The following SMAD4 variants were observed in gnomAD, a reference collection of about 807,000 sequenced individuals.
SMAD4 encodes SMAD family member 4.
A neutral mutation model predicts 63.2 loss-of-function variants in SMAD4; 7 were observed. That is an observed-to-expected ratio of 0.11 (90% confidence interval 0.06 to 0.21). The LOEUF is 0.21. Ranked by LOEUF, SMAD4 falls within the 10% of genes least tolerant of loss-of-function variation. The pLI is 1.00. For missense variants in SMAD4, 312 were observed against 693.8 expected, an observed-to-expected ratio of 0.45 and a Z score of 6.18; for synonymous variants, 215 against 235.4, an observed-to-expected ratio of 0.91 and a Z score of 0.79.
rs759701996 is a variant in SMAD4, at chr18:51,058,467, G to GT, written c.904+16dup. On this transcript the variant is annotated intron_variant, in intron 7 of 11. Transcript: ENST00000342988. ...ATCCCGGACATTACTGTAAGCTCTT[G>GT]TTTTTGTTGTAAGGGCTATTTTTTT... The GT allele has an allele frequency of 2.0e-6, 3 of 1,487,256 alleles. No individual in the cohort carries two copies. The highest frequency in any genetic ancestry group is 2.4e-5 in the East Asian group (1 of 41,338). The allele number at this position is 1,487,256 out of a possible 1,614,324, so 92.1% of individuals were successfully genotyped here.
At chr18:51,076,921 T>C (rs1910487709) in intron 11 of SMAD4, 145 bp downstream of exon 11, 1 of 621,294 alleles carries the variant, frequency 1.6e-6, no homozygotes, top group Non-Finnish European at 2.8e-6. Flanking sequence ...TGGTAAAATC[T>C]GTTCTTCTGT....
chr18:51,034,563 T>G (rs958448730), intron 1 of SMAD4, among the ~76,000 whole-genome samples: 3 of 151,834 alleles, frequency 2.0e-5, no homozygotes, highest in Admixed American at 1.3e-4. Context: ...TTTTTCCTTT[T>G]TCTTTCCATC....
chr18:51,063,946 ATTTT>A (rs1288402190), intron 8 of SMAD4, among the ~76,000 whole-genome samples: 1 of 152,124 alleles, frequency 6.6e-6, no homozygotes, highest in African/African-American at 2.4e-5. Context: ...ATTGGAAAGT[ATTTT>A]ATTGCTTGGC....
At chr18:51,056,257 T>G (rs1412590468) in intron 5 of SMAD4, among the ~76,000 whole-genome samples, 2 of 152,182 alleles carry the variant, frequency 1.3e-5, no homozygotes, top group African/African-American at 4.8e-5. Flanking sequence ...CTACTTCTGT[T>G]TATATTATCT....
chr18:51,060,267 A>C (rs1156515926), intron 8 of SMAD4, among the ~76,000 whole-genome samples: 1 of 152,258 alleles, frequency 6.6e-6, no homozygotes, highest in African/African-American at 2.4e-5. Context: ...AAGAATCTTA[A>C]GTACATGCCG....
At chr18:51,065,150 C>CCT (rs1466731235) in intron 8 of SMAD4, among the ~76,000 whole-genome samples, 1 of 151,420 alleles carries the variant, frequency 6.6e-6, no homozygotes, top group African/African-American at 2.4e-5. Context: ...TAAAAAATGA[C>CCT]TTTTAGAACT....
At chr18:51,059,822 A>G (rs1909957387) in intron 7 of SMAD4, 44 bp from the exon 8 acceptor site, 2 of 1,482,282 alleles carry the variant, frequency 1.3e-6, no homozygotes, top group African/African-American at 1.4e-5. Flanking sequence ...GCATTAGACA[A>G]CTTTTAGTAA....
intron 7 of SMAD4, among the ~76,000 whole-genome samples, chr18:51,058,875 T>G (rs1021520081): frequency 2.6e-5 from 4 of 152,216 alleles, no homozygotes; most frequent in African/African-American, 9.6e-5. Flanking sequence ...AACTCTGTGC[T>G]GGCATGATTG....
intron 10 of SMAD4, among the ~76,000 whole-genome samples, chr18:51,072,763 C>T (rs1049501108): frequency 6.6e-6 from 1 of 152,064 alleles, no homozygotes; most frequent in African/African-American, 2.4e-5. Context: ...GAAATTAGCT[C>T]AGGAGTGGTG....
chr18:51,041,869 T>C (rs543347660), intron 1 of SMAD4, among the ~76,000 whole-genome samples: 1 of 152,244 alleles, frequency 6.6e-6, no homozygotes, highest in African/African-American at 2.4e-5. Flanking sequence ...TGGTTGTCAC[T>C]GCAGCATAGA....
At position 51,082,961 on chromosome 18, in the gene SMAD4, G is replaced by A. The variant is rs868415137; in HGVS notation, c.*4494G>A. The A allele has an allele frequency of 8.8e-6, 2 of 226,746 alleles. No individual in the cohort carries two copies. The highest frequency in any genetic ancestry group is 1.8e-5 in the Non-Finnish European group (2 of 114,046). The allele number at this position is 226,746 out of a possible 1,614,324, so 14.0% of individuals were successfully genotyped here. On this transcript the variant is annotated 3_prime_UTR_variant, in exon 12 of 12. Coordinates refer to ENST00000342988, the MANE Select transcript of SMAD4 (RefSeq NM_005359.6). The stretch of plus-strand genomic sequence containing the variant: ...CCAAGACACTTTCCTGTGAAGTGCT[G>A]AAAAAGACCTCATTGTATTGGCATT...
At chr18:51,050,339 A>G (rs1212265838) in intron 4 of SMAD4, among the ~76,000 whole-genome samples, 2 of 150,394 alleles carry the variant, frequency 1.3e-5, no homozygotes, top group African/African-American at 4.9e-5. Flanking sequence ...AGCCTGGGCA[A>G]CGAGCGAAAC....
At chr18:51,056,245 A>T (rs1406490518) in intron 5 of SMAD4, among the ~76,000 whole-genome samples, 1 of 152,156 alleles carries the variant, frequency 6.6e-6, no homozygotes, top group Non-Finnish European at 1.5e-5. Flanking sequence ...GAGCACAGCT[A>T]CCTACTTCTG....
At chr18:51,043,918 C>T (rs1909461464) in intron 1 of SMAD4, among the ~76,000 whole-genome samples, 1 of 152,136 alleles carries the variant, frequency 6.6e-6, no homozygotes, top group South Asian at 2.1e-4. Flanking sequence ...ATGGTCAGTC[C>T]AGAAACACTT....
At chr18:51,074,242 A>G (rs540186087) in intron 10 of SMAD4, among the ~76,000 whole-genome samples, 9 of 151,458 alleles carry the variant, frequency 5.9e-5, no homozygotes, top group African/African-American at 1.7e-4. Flanking sequence ...TTAGCCAGGC[A>G]TGGTGGCATG....
Position 51,079,518 on chromosome 18 carries a change from CTTT to C in SMAD4, c.*1056_*1058del. ...TATTTTTGTACTTGATTTGATGTGA[CTTT>C]TTTTGGTATAATGTTTAAATCATGT... On this transcript the variant is annotated 3_prime_UTR_variant, in exon 12 of 12. Transcript: ENST00000342988. 4.3e-6 allele frequency: 1 copy of C among 233,216 alleles called. No individual in the cohort carries two copies. The highest frequency in any genetic ancestry group is 8.5e-6 in the Non-Finnish European group (1 of 117,874). 14.4% of individuals were successfully genotyped at this position (233,216 alleles called of 1,614,324 possible).
rs1555685648 is a variant in SMAD4, at chr18:51,054,882, C to G, written c.556C>G (p.Pro186Ala). 4.3e-6 allele frequency: 7 copies of G among 1,614,042 alleles called. No individual in the cohort carries two copies. Among genetic ancestry groups the G allele is most frequent in the East Asian group, 2.2e-5 (1 of 44,882 alleles). Reference protein sequence around the residue: ...GHSIQTIQHPPSNRASTETYS... With the variant: ...GHSIQTIQHPASNRASTETYS... Reference sequence around the variant, plus strand: ...TTCAATTCAAACCATCCAGCATCCACCAAGTAATCGTGCATCGACAGAGAC... The same window carrying G: ...TTCAATTCAAACCATCCAGCATCCAGCAAGTAATCGTGCATCGACAGAGAC... The change falls in exon 5 of 12, where the codon CCA becomes GCA. Residue 186 changes from proline (P) to alanine (A), a missense_variant. By Grantham distance (27) the Pro-to-Ala change is conservative. Around this residue, in one of 4 missense-constraint regions of SMAD4, gnomAD observed 169 missense variants for 211.0 expected, o/e 0.80. Transcript: ENST00000342988.
intron 4 of SMAD4, chr18:51,053,971 A>G (rs1909774599): frequency 1.3e-5 from 2 of 152,344 alleles, no homozygotes; most frequent in South Asian, 4.1e-4. Context: ...GAGAATTAAC[A>G]TTGTTAATGC....
At position 51,054,891 on chromosome 18, in the gene SMAD4, C is replaced by A. The variant is rs140743238; in HGVS notation, c.565C>A (p.Arg189Ser). The A allele has an allele frequency of 4.3e-6, 7 of 1,614,040 alleles. No individual in the cohort carries two copies. Among genetic ancestry groups the A allele is most frequent in the Non-Finnish European group, 5.1e-6 (6 of 1,179,876 alleles). The change falls in exon 5 of 12, where the codon CGT (arginine) becomes AGT (serine). Residue 189 changes from arginine to serine, a missense_variant. Around this residue, in one of 4 missense-constraint regions of SMAD4, gnomAD observed 169 missense variants for 211.0 expected, o/e 0.80. Coordinates refer to ENST00000342988, the MANE Select transcript of SMAD4 (RefSeq NM_005359.6). ...AACCATCCAGCATCCACCAAGTAAT[C>A]GTGCATCGACAGAGACATACAGCAC... ...IQTIQHPPSN[R>S]ASTETYSTPA... is the part of the protein sequence containing the mutation.
Sources: allele counts gnomAD v4.1 joint callset (sites outside exome capture counted in the v4.1 genomes callset), GRCh38; gene constraint gnomAD v4.1.1; regional missense constraint gnomAD v4.1.1; transcripts MANE v1.5; gene names NCBI Gene and HGNC (gene_info 2026-07-23, HGNC 2026-07-21).